The following NALF1 variants were observed in gnomAD, a reference collection of about 807,000 sequenced individuals.
The protein encoded by NALF1 is NALCN channel auxiliary factor 1.
Under a neutral mutation model 48.4 loss-of-function variants are expected in NALF1, and 3 were observed. The ratio of observed to expected loss-of-function variants is 0.06; its 90% CI spans 0.03 to 0.16. NALF1 has a LOEUF of 0.16. NALF1 is among the 10% of genes least tolerant of loss of function. The pLI is 1.00. For synonymous variants in NALF1, 262 were observed against 245.7 expected, an observed-to-expected ratio of 1.07 and a Z score of -0.62; for missense variants, 526 against 571.5, an observed-to-expected ratio of 0.92 and a Z score of 0.81.
At chr13:107,304,955 T>C (rs1216302278) in intron 1 of NALF1, among the ~76,000 whole-genome samples, 1 of 152,214 alleles carries the variant, frequency 6.6e-6, no homozygotes, top group Non-Finnish European at 1.5e-5. Context: ...TTTTTCTGAA[T>C]ACAAAATGAC....
intron 1 of NALF1, among the ~76,000 whole-genome samples, chr13:107,850,842 G>T (rs554194110): frequency 6.6e-6 from 1 of 152,132 alleles, no homozygotes; most frequent in African/African-American, 2.4e-5. Context: ...GGCAGAGGTT[G>T]CAGCGAGCCA....
intron 1 of NALF1, among the ~76,000 whole-genome samples, chr13:107,620,079 T>A (rs1174923549): frequency 6.6e-6 from 1 of 152,196 alleles, no homozygotes; most frequent in East Asian, 1.9e-4. Flanking sequence ...TCAGGCCTTT[T>A]AAACTGAATA....
chr13:107,649,515 AG>A (rs1409755407), intron 1 of NALF1, among the ~76,000 whole-genome samples: 1 of 152,184 alleles, frequency 6.6e-6, no homozygotes, highest in Non-Finnish European at 1.5e-5. Context: ...TGTACAATTA[AG>A]TCCTGGGTTG....
At chr13:107,852,102 C>T (rs1301734877) in intron 1 of NALF1, among the ~76,000 whole-genome samples, 1 of 151,920 alleles carries the variant, frequency 6.6e-6, no homozygotes, top group African/African-American at 2.4e-5. Context: ...TCACCTGACC[C>T]ATGCCCTTTA....
intron 1 of NALF1, among the ~76,000 whole-genome samples, chr13:107,720,011 C>T (rs1286727323): frequency 1.3e-5 from 2 of 152,112 alleles, no homozygotes; most frequent in Non-Finnish European, 2.9e-5. Flanking sequence ...CGCTTTGTCA[C>T]CACCCCAATA....
intron 1 of NALF1, among the ~76,000 whole-genome samples, chr13:107,334,564 T>C (rs1374441022): frequency 6.6e-6 from 1 of 152,146 alleles, no homozygotes; most frequent in Non-Finnish European, 1.5e-5. Flanking sequence ...TTTTCAACAA[T>C]GAAAAGTGAA....
At chr13:107,417,200 A>T (rs1365627760) in intron 1 of NALF1, among the ~76,000 whole-genome samples, 1 of 152,214 alleles carries the variant, frequency 6.6e-6, no homozygotes. Flanking sequence ...TCCTGAAGCT[A>T]GGCTGGAAGA....
intron 1 of NALF1, among the ~76,000 whole-genome samples, chr13:107,523,198 T>C (rs1317337538): frequency 6.6e-6 from 1 of 152,114 alleles, no homozygotes; most frequent in Non-Finnish European, 1.5e-5. Flanking sequence ...GAGCCATTGT[T>C]CTCCACATTT....
At chr13:107,244,891 A>G (rs1348968556) in intron 1 of NALF1, among the ~76,000 whole-genome samples, 2 of 152,164 alleles carry the variant, frequency 1.3e-5, no homozygotes, top group Non-Finnish European at 2.9e-5. Context: ...CTAATTGATC[A>G]TCAGTAGGTA....
At chr13:107,438,235 A>G (rs1215353627) in intron 1 of NALF1, among the ~76,000 whole-genome samples, 1 of 152,256 alleles carries the variant, frequency 6.6e-6, no homozygotes, top group Admixed American at 6.5e-5. Context: ...TTGAGAAAGA[A>G]CTAAATCCCA....
chr13:107,580,386 T>G (rs1878270891), intron 1 of NALF1, among the ~76,000 whole-genome samples: 1 of 152,138 alleles, frequency 6.6e-6, no homozygotes, highest in South Asian at 2.1e-4. Flanking sequence ...TCTGCCTTTT[T>G]CATGCCTGGA....
chr13:107,249,405 A>G (rs989874607), intron 1 of NALF1, among the ~76,000 whole-genome samples: 1 of 152,190 alleles, frequency 6.6e-6, no homozygotes, highest in Non-Finnish European at 1.5e-5. Flanking sequence ...AATGGTCTCC[A>G]AAGTTCAGAC....
chr13:107,802,127 G>T (rs1878635385), intron 1 of NALF1, among the ~76,000 whole-genome samples: 1 of 152,112 alleles, frequency 6.6e-6, no homozygotes, highest in South Asian at 2.1e-4. Flanking sequence ...ATAAACAGAA[G>T]ACATTTGTGT....
chr13:107,291,790 A>G (rs1881626414), intron 1 of NALF1, among the ~76,000 whole-genome samples: 1 of 152,330 alleles, frequency 6.6e-6, no homozygotes, highest in East Asian at 1.9e-4. Flanking sequence ...GCTTTGAATG[A>G]AAAGGAAAAC....
intron 1 of NALF1, among the ~76,000 whole-genome samples, chr13:107,504,485 G>A (rs1219573968): frequency 6.6e-6 from 1 of 152,142 alleles, no homozygotes; most frequent in Non-Finnish European, 1.5e-5. Flanking sequence ...ATTCACTACA[G>A]TATCCATTTT....
chr13:107,623,672 G>A (rs183452663), intron 1 of NALF1, among the ~76,000 whole-genome samples: 1 of 152,180 alleles, frequency 6.6e-6, no homozygotes, highest in East Asian at 1.9e-4. Flanking sequence ...TGTGAACTAA[G>A]GGAAGTGAGG....
intron 1 of NALF1, among the ~76,000 whole-genome samples, chr13:107,577,435 G>C (rs1878186034): frequency 6.6e-6 from 1 of 152,094 alleles, no homozygotes; most frequent in Non-Finnish European, 1.5e-5. Context: ...AAACCAGGAA[G>C]AAAGGAACAT....
intron 1 of NALF1, among the ~76,000 whole-genome samples, chr13:107,462,698 A>C (rs1969792): frequency 0.33 from 49,577 of 152,080 alleles, 8,359 homozygotes; most frequent in Middle Eastern, 0.43. Flanking sequence ...TAGTTCCCAG[A>C]GAAACCCTAG....
At chr13:107,472,307 C>T (rs555767443) in intron 1 of NALF1, among the ~76,000 whole-genome samples, 2 of 152,266 alleles carry the variant, frequency 1.3e-5, no homozygotes, top group South Asian at 4.1e-4. Flanking sequence ...CCAGCCTGGG[C>T]AACAGAGCGA....
Sources: allele counts gnomAD v4.1 joint callset (sites outside exome capture counted in the v4.1 genomes callset), GRCh38; gene constraint gnomAD v4.1.1; transcripts MANE v1.5; gene names NCBI Gene and HGNC (gene_info 2026-07-23, HGNC 2026-07-21).